The following HPSE2 variants were observed in gnomAD, a reference collection of about 807,000 sequenced individuals.
HPSE2 encodes heparanase 2 (inactive).
In HPSE2, 38 loss-of-function variants were observed where a neutral mutation model predicts 60.5. The observed-to-expected ratio is 0.63, with a 90% CI of 0.48 to 0.82. The LOEUF (loss-of-function observed/expected upper bound fraction) is 0.82, where lower values mean the gene tolerates loss of function less well. Ranked by LOEUF, HPSE2 falls within the 40% of genes least tolerant of loss-of-function variation. The pLI is 0.00. For missense variants in HPSE2, 713 were observed against 740.4 expected (o/e 0.96, Z 0.43); for synonymous variants, 295 against 293.2 (o/e 1.01, Z -0.06).
chr10:98,740,100 C>A (rs1314683469), intron 4 of HPSE2, among the ~76,000 whole-genome samples: 2 of 151,704 alleles, frequency 1.3e-5, no homozygotes, highest in Non-Finnish European at 2.9e-5. Flanking sequence ...ATGTTATATC[C>A]AAAGAAAGTA....
chr10:98,858,426 C>T (rs972099122), intron 3 of HPSE2, among the ~76,000 whole-genome samples: 3 of 152,228 alleles, frequency 2.0e-5, no homozygotes, highest in African/African-American at 7.2e-5. Context: ...AATAGAAAAC[C>T]AAATTGGGCA....
chr10:98,853,833 T>C (rs1250092269), intron 3 of HPSE2, among the ~76,000 whole-genome samples: 2 of 152,178 alleles, frequency 1.3e-5, no homozygotes, highest in East Asian at 1.9e-4. Context: ...TACTTATCTG[T>C]TAAATGGAAC....
chr10:98,918,775 C>A (rs967553566), intron 3 of HPSE2, among the ~76,000 whole-genome samples: 1 of 149,908 alleles, frequency 6.7e-6, no homozygotes, highest in Admixed American at 6.7e-5. Context: ...CACATGTATA[C>A]ATATGTAACT....
chr10:98,879,571 T>C (rs1952964295), intron 3 of HPSE2, among the ~76,000 whole-genome samples: 1 of 151,950 alleles, frequency 6.6e-6, no homozygotes, highest in African/African-American at 2.4e-5. Flanking sequence ...GAAGGATTTT[T>C]TTTTCCTACC....
At chr10:98,737,941 C>T (rs973180396) in intron 4 of HPSE2, among the ~76,000 whole-genome samples, 6 of 152,162 alleles carry the variant, frequency 3.9e-5, no homozygotes, top group Admixed American at 3.9e-4. Flanking sequence ...CATCAAGCTA[C>T]CATTGACTTT....
intron 3 of HPSE2, among the ~76,000 whole-genome samples, chr10:99,108,437 G>A (rs568216312): frequency 6.6e-6 from 1 of 151,628 alleles, no homozygotes; most frequent in African/African-American, 2.4e-5. Flanking sequence ...TAGTAACACA[G>A]TATACCCCTT....
rs189630815 is a variant in HPSE2, at chr10:98,993,027, C to T, written c.610+151211G>A. The stretch of plus-strand genomic sequence containing the variant: ...TATTTTCTTGTCCCTTCTTTGATTT[C>T]TTTGATCGCTATGATTTCTCATATA... On this transcript the variant is annotated intron_variant, in intron 3 of 11. Transcript: ENST00000370552. 1.8e-3 allele frequency among the ~76,000 whole-genome samples: 274 copies of T among 152,278 alleles called. 1 individual carries two copies. The highest frequency in any genetic ancestry group is 6.0e-3 in the African/African-American group (249 of 41,568).
At chr10:98,726,809 A>G (rs1949096766) in intron 4 of HPSE2, among the ~76,000 whole-genome samples, 1 of 152,070 alleles carries the variant, frequency 6.6e-6, no homozygotes, top group African/African-American at 2.4e-5. Flanking sequence ...GAGGATTCCT[A>G]GCTATCCACA....
intron 3 of HPSE2, among the ~76,000 whole-genome samples, chr10:98,943,099 G>T (rs982405193): frequency 9.8e-6 from 1 of 101,644 alleles, no homozygotes; most frequent in East Asian, 3.6e-4. Flanking sequence ...GGGGAGGGGG[G>T]AGGGATGGCA....
intron 4 of HPSE2, 147 bp downstream of exon 4, chr10:98,743,736 C>A (rs1394259591): frequency 2.7e-6 from 2 of 728,322 alleles, no homozygotes; most frequent in Non-Finnish European, 4.9e-6. Flanking sequence ...TGGTCTTCTA[C>A]CATTTGGATA....
At chr10:99,134,046 A>T (rs1845550292) in intron 3 of HPSE2, among the ~76,000 whole-genome samples, 1 of 152,238 alleles carries the variant, frequency 6.6e-6, no homozygotes, top group African/African-American at 2.4e-5. Context: ...GATGGAGCTG[A>T]AAAACACAGC....
chr10:99,106,584 T>C (rs577087365), intron 3 of HPSE2, among the ~76,000 whole-genome samples: 2 of 151,736 alleles, frequency 1.3e-5, no homozygotes, highest in Admixed American at 1.3e-4. Flanking sequence ...TGAATTGACT[T>C]TGTTAGTAAG....
intron 11 of HPSE2, among the ~76,000 whole-genome samples, chr10:98,475,681 T>C (rs990718403): frequency 6.6e-6 from 1 of 151,068 alleles, no homozygotes; most frequent in Non-Finnish European, 1.5e-5. Context: ...ATACCTCAAA[T>C]TAAACAAATC....
At position 98,600,750 on chromosome 10, in the gene HPSE2, CA is replaced by C. The variant is rs201848775; in HGVS notation, c.1320+14153del. ...GGATATATATGTATATACATACACACAAAAAAAATATACACACATATATACA... is the reference window on the plus strand; with the variant it reads ...GGATATATATGTATATACATACACACAAAAAAATATACACACATATATACA... On this transcript the variant is annotated intron_variant, in intron 9 of 11. Coordinates refer to ENST00000370552, the MANE Select transcript of HPSE2 (RefSeq NM_021828.5). Among the ~76,000 whole-genome samples, 137 of 108,480 alleles carry C rather than the reference CA, an allele frequency of 1.3e-3. 3 individuals are homozygous for C. Among genetic ancestry groups the C allele is most frequent in the Middle Eastern group, 5.1e-3 (1 of 198 alleles). The allele number at this position is 108,480 out of a possible 152,430, so 71.2% of individuals were successfully genotyped here.
intron 3 of HPSE2, among the ~76,000 whole-genome samples, chr10:99,097,562 T>G (rs1436515645): frequency 6.6e-6 from 1 of 152,166 alleles, no homozygotes; most frequent in Non-Finnish European, 1.5e-5. Context: ...TAATAAAATT[T>G]TATTTTACAT....
intron 3 of HPSE2, among the ~76,000 whole-genome samples, chr10:98,776,758 A>G (rs1202057413): frequency 1.3e-5 from 2 of 151,254 alleles, no homozygotes; most frequent in Non-Finnish European, 3.0e-5. Flanking sequence ...GCCAGCATAC[A>G]CATTATTGAA....
chr10:99,076,509 TC>T (rs1403948845), intron 3 of HPSE2, among the ~76,000 whole-genome samples: 5 of 152,312 alleles, frequency 3.3e-5, no homozygotes, highest in African/African-American at 1.2e-4. Context: ...TTCCTCAGCC[TC>T]CCCAGTAGCT....
At chr10:98,682,875 C>G (rs1253647829) in intron 6 of HPSE2, among the ~76,000 whole-genome samples, 1 of 152,134 alleles carries the variant, frequency 6.6e-6, no homozygotes, top group Admixed American at 6.5e-5. Context: ...TGCCTCATTT[C>G]CAAGAAAGCA....
chr10:99,278,209 A>C, the HPSE2 span, among the ~76,000 whole-genome samples: 1 of 152,142 alleles, frequency 6.6e-6, no homozygotes, highest in Non-Finnish European at 1.5e-5. Context: ...TGTGAAAAAA[A>C]AGTTTGGAAG....
Sources: gnomAD v4.1 joint callset for allele counts (sites outside exome capture counted in the v4.1 genomes callset) on GRCh38, gnomAD v4.1.1 for gene constraint, MANE v1.5 for transcripts, NCBI Gene and HGNC (gene_info 2026-07-23, HGNC 2026-07-21) for gene names.